The following RUNX2 variants were observed in gnomAD, a reference collection of about 807,000 sequenced individuals.
The protein encoded by RUNX2 is RUNX family transcription factor 2.
Under a neutral mutation model 51.7 loss-of-function variants are expected in RUNX2, and 10 were observed. The observed-to-expected ratio is 0.19, with a 90% confidence interval of 0.12 to 0.33. The LOEUF (loss-of-function observed/expected upper bound fraction) is 0.33, where lower values mean the gene tolerates loss of function less well. Among genes scored for constraint, RUNX2 ranks in the 10% least tolerant of loss-of-function variants. RUNX2 has a pLI of 1.00. For synonymous variants in RUNX2, 276 were observed against 273.6 expected, an observed-to-expected ratio of 1.01 and a Z score of -0.09; for missense variants, 562 against 691.3, an observed-to-expected ratio of 0.81 and a Z score of 2.10.
At chr6:45,478,190 A>G (rs1392214777) in intron 5 of RUNX2, among the ~76,000 whole-genome samples, 1 of 151,896 alleles carries the variant, frequency 6.6e-6, no homozygotes, top group East Asian at 1.9e-4. Flanking sequence ...TACTTTAATT[A>G]TATTATTTAT....
chr6:45,409,860 C>T (rs1191644707), intron 2 of RUNX2, among the ~76,000 whole-genome samples: 2 of 152,160 alleles, frequency 1.3e-5, no homozygotes, highest in Non-Finnish European at 2.9e-5. Flanking sequence ...AATCCCTGTT[C>T]TCAAGGAACT....
chr6:45,352,839 T>C (rs1792342925), intron 2 of RUNX2, among the ~76,000 whole-genome samples: 1 of 152,200 alleles, frequency 6.6e-6, no homozygotes, highest in South Asian at 2.1e-4. Flanking sequence ...ATAATTCTAT[T>C]AGTCAGAATG....
intron 5 of RUNX2, among the ~76,000 whole-genome samples, chr6:45,478,100 C>T (rs1800007341): frequency 6.6e-6 from 1 of 152,202 alleles, no homozygotes; most frequent in Admixed American, 6.5e-5. Context: ...TACTCAAACG[C>T]TGTCTCCTCT....
At chr6:45,482,953 C>T (rs2150401075) in intron 5 of RUNX2, among the ~76,000 whole-genome samples, 1 of 152,120 alleles carries the variant, frequency 6.6e-6, no homozygotes, top group East Asian at 1.9e-4. Flanking sequence ...TGATTTTTTT[C>T]CTTTAGAAAT....
intron 2 of RUNX2, among the ~76,000 whole-genome samples, chr6:45,408,659 G>A (rs1193229708): frequency 6.6e-6 from 1 of 151,994 alleles, no homozygotes; most frequent in Non-Finnish European, 1.5e-5. Flanking sequence ...CTAGGGTCAA[G>A]CAGAATGGAA....
intron 5 of RUNX2, among the ~76,000 whole-genome samples, chr6:45,481,812 C>G (rs1209594927): frequency 2.0e-5 from 3 of 152,180 alleles, no homozygotes; most frequent in African/African-American, 4.8e-5. Flanking sequence ...GTGTCACTGC[C>G]TAGTTCCATG....
chr6:45,467,134 C>T (rs1799657236), intron 5 of RUNX2, among the ~76,000 whole-genome samples: 1 of 152,132 alleles, frequency 6.6e-6, no homozygotes. Context: ...ACTTTCAGTC[C>T]TCATGATCCT....
intron 5 of RUNX2, among the ~76,000 whole-genome samples, chr6:45,474,268 A>T (rs1289893846): frequency 6.6e-6 from 1 of 152,106 alleles, no homozygotes; most frequent in Non-Finnish European, 1.5e-5. Flanking sequence ...GTAAAAGGTA[A>T]AGTGAATAAA....
At chr6:45,434,048 G>A (rs2150369463) in intron 4 of RUNX2, among the ~76,000 whole-genome samples, 1 of 152,250 alleles carries the variant, frequency 6.6e-6, no homozygotes, top group Middle Eastern at 3.4e-3. Context: ...TGGGGGGTAG[G>A]GGGAGTGGGT....
At chr6:45,465,111 C>T (rs906460318) in intron 5 of RUNX2, among the ~76,000 whole-genome samples, 6 of 152,148 alleles carry the variant, frequency 3.9e-5, no homozygotes, top group African/African-American at 1.2e-4. Flanking sequence ...ATAAATCACT[C>T]GGTGGCTCAG....
chr6:45,486,965 A>G (rs1355099091), intron 5 of RUNX2, among the ~76,000 whole-genome samples: 1 of 152,130 alleles, frequency 6.6e-6, no homozygotes, highest in Non-Finnish European at 1.5e-5. Flanking sequence ...CATTGTGGGT[A>G]GGGCACAATG....
chr6:45,423,335 GC>G (rs1215767664), intron 3 of RUNX2, among the ~76,000 whole-genome samples: 1 of 152,090 alleles, frequency 6.6e-6, no homozygotes, highest in Non-Finnish European at 1.5e-5. Context: ...GCTCCACCCC[GC>G]CCCTTTCCCG....
chr6:45,478,649 TG>T (rs1159178978), intron 5 of RUNX2, among the ~76,000 whole-genome samples: 1 of 152,022 alleles, frequency 6.6e-6, no homozygotes, highest in Non-Finnish European at 1.5e-5. Context: ...TGTGTGTGTG[TG>T]TGTGTGTGTG....
rs746897678 is a variant in RUNX2 at position 45,512,290 on chromosome 6, T to G, written c.904T>G (p.Ser302Ala). The change falls in exon 7 of 9, where the codon TCT becomes GCT. Residue 302 changes from serine to alanine, a missense_variant. Transcript: ENST00000647337. ...QSSPPWSYDQSYPSYLSQMTS... is the reference protein window; with the variant it reads ...QSSPPWSYDQAYPSYLSQMTS... The stretch of plus-strand genomic sequence containing the variant: ...TTCCCCGCCGTGGTCCTATGACCAG[T>G]CTTACCCCTCCTACCTGAGCCAGAT... The G allele has an allele frequency of 1.9e-6, 3 of 1,613,996 alleles. No homozygotes were observed. Among genetic ancestry groups the G allele is most frequent in the Admixed American group, 3.3e-5 (2 of 60,000 alleles).
intron 6 of RUNX2, among the ~76,000 whole-genome samples, chr6:45,506,065 T>C (rs1800958400): frequency 6.6e-6 from 1 of 152,162 alleles, no homozygotes; most frequent in South Asian, 2.1e-4. Flanking sequence ...GAGGAAACCA[T>C]GATTGCTTCT....
At chr6:45,340,133 T>C (rs1257204691) in intron 2 of RUNX2, among the ~76,000 whole-genome samples, 2 of 152,200 alleles carry the variant, frequency 1.3e-5, no homozygotes, top group East Asian at 3.8e-4. Context: ...CAATTTCATC[T>C]GTAAAGGTGT....
chr6:45,436,793 A>G (rs968623549), intron 4 of RUNX2, among the ~76,000 whole-genome samples: 33 of 152,316 alleles, frequency 2.2e-4, no homozygotes, highest in African/African-American at 7.5e-4. Flanking sequence ...GCATTGGTAC[A>G]TATTGTCAAA....
chr6:45,524,076 G>T (rs867123861), intron 7 of RUNX2, among the ~76,000 whole-genome samples: 59 of 152,128 alleles, frequency 3.9e-4, no homozygotes, highest in African/African-American at 1.4e-3. Context: ...ACAACACTTT[G>T]TTTCAAATAG....
chr6:45,378,184 G>C (rs961180739), intron 2 of RUNX2, among the ~76,000 whole-genome samples: 2 of 152,244 alleles, frequency 1.3e-5, no homozygotes, highest in Admixed American at 6.5e-5. Flanking sequence ...GCGGCGTTTA[G>C]AGCTGGGGAC....
Sources: allele counts gnomAD v4.1 joint callset (sites outside exome capture counted in the v4.1 genomes callset), GRCh38; gene constraint gnomAD v4.1.1; transcripts MANE v1.5; gene names NCBI Gene and HGNC (gene_info 2026-07-23, HGNC 2026-07-21).